Variants in NCOA2 observed in about 807,000 individuals in gnomAD.
The protein encoded by NCOA2 is class E basic helix-loop-helix protein 75.
A neutral mutation model predicts 145.1 loss-of-function variants in NCOA2; 21 were observed. The ratio of observed to expected loss-of-function variants is 0.14; its 90% CI spans 0.10 to 0.21. The LOEUF (loss-of-function observed/expected upper bound fraction) is 0.21. Ranked by LOEUF, NCOA2 falls within the 10% of genes least tolerant of loss-of-function variation. The pLI is 1.00. For synonymous variants in NCOA2, 619 were observed against 637.5 expected (o/e 0.97, Z 0.44); for missense variants, 1,472 against 1,837.6 (o/e 0.80, Z 3.64).
intron 19 of NCOA2, 38 bp from the exon 20 acceptor site, chr8:70,124,903 CTG>C (rs1365000191): frequency 6.5e-7 from 1 of 1,536,624 alleles, no homozygotes; most frequent in African/African-American, 1.4e-5. Context: ...CCAAAAGAGA[CTG>C]TTAGTTATAT....
chr8:70,114,841 AAG>A (rs776865997), intron 22 of NCOA2, among the ~76,000 whole-genome samples: 1 of 152,188 alleles, frequency 6.6e-6, no homozygotes, highest in East Asian at 1.9e-4. Flanking sequence ...GCACTCCAAA[AAG>A]AGAGTTCTGG....
intron 22 of NCOA2, among the ~76,000 whole-genome samples, chr8:70,116,874 T>C (rs1807199006): frequency 6.6e-6 from 1 of 152,122 alleles, no homozygotes; most frequent in Admixed American, 6.5e-5. Context: ...AGCAAGATGG[T>C]AACAGAGAGG....
chr8:70,161,835 G>A (rs962331432), intron 9 of NCOA2, among the ~76,000 whole-genome samples: 13 of 152,148 alleles, frequency 8.5e-5, no homozygotes, highest in African/African-American at 2.9e-4. Flanking sequence ...GGGACACAGA[G>A]AGAAGGACAG....
intron 2 of NCOA2, among the ~76,000 whole-genome samples, chr8:70,238,533 T>C (rs889612127): frequency 3.9e-5 from 6 of 152,182 alleles, no homozygotes; most frequent in African/African-American, 1.2e-4. Context: ...ATTCTTCCCA[T>C]TGTCTAAGAA....
intron 2 of NCOA2, among the ~76,000 whole-genome samples, chr8:70,237,841 C>G (rs1294407980): frequency 6.6e-6 from 1 of 150,386 alleles, no homozygotes; most frequent in Non-Finnish European, 1.5e-5. Flanking sequence ...AGCAGAACTA[C>G]TCCAAGAACA....
the NCOA2 span, among the ~76,000 whole-genome samples, chr8:70,419,687 T>C: frequency 6.6e-6 from 1 of 152,202 alleles, no homozygotes; most frequent in African/African-American, 2.4e-5. Flanking sequence ...TCCTTTCCTA[T>C]AATCCTAAAT....
intron 4 of NCOA2, among the ~76,000 whole-genome samples, chr8:70,206,578 G>T (rs1311228272): frequency 6.6e-6 from 1 of 152,054 alleles, no homozygotes; most frequent in Non-Finnish European, 1.5e-5. Context: ...AGTATCTCTA[G>T]AATCTGGAGA....
the NCOA2 span, among the ~76,000 whole-genome samples, chr8:70,449,185 G>A: frequency 2.0e-5 from 3 of 152,240 alleles, no homozygotes; most frequent in East Asian, 3.9e-4. Context: ...AAATTTACAA[G>A]TTTCATGTCC....
chr8:70,205,944 A>T (rs1818388895), intron 4 of NCOA2, among the ~76,000 whole-genome samples: 1 of 152,188 alleles, frequency 6.6e-6, no homozygotes, highest in African/African-American at 2.4e-5. Flanking sequence ...GGCAGATACT[A>T]TGCCCCAGCA....
At chr8:70,387,096 G>C (rs191849620) in intron 1 of NCOA2, among the ~76,000 whole-genome samples, 1 of 151,890 alleles carries the variant, frequency 6.6e-6, no homozygotes, top group African/African-American at 2.4e-5. Flanking sequence ...TTTAACGCCC[G>C]GTCTGGTAAA....
chr8:70,184,808 C>T (rs964651092), intron 4 of NCOA2, among the ~76,000 whole-genome samples: 1 of 152,166 alleles, frequency 6.6e-6, no homozygotes, highest in African/African-American at 2.4e-5. Flanking sequence ...GGCTTCACAC[C>T]CAGGCCGCTG....
chr8:70,261,292 T>G (rs1824101552), intron 2 of NCOA2, among the ~76,000 whole-genome samples: 1 of 152,188 alleles, frequency 6.6e-6, no homozygotes, highest in Admixed American at 6.5e-5. Context: ...TGAGTTCATG[T>G]CCTTTGTAGG....
At chr8:70,164,390 G>T (rs1295419665) in intron 7 of NCOA2, among the ~76,000 whole-genome samples, 1 of 152,154 alleles carries the variant, frequency 6.6e-6, no homozygotes, top group East Asian at 1.9e-4. Flanking sequence ...ATCCCTTCAT[G>T]TCTTCTTATA....
At chr8:70,122,682 A>G (rs1355063208) in intron 21 of NCOA2, among the ~76,000 whole-genome samples, 1 of 152,242 alleles carries the variant, frequency 6.6e-6, no homozygotes, top group African/African-American at 2.4e-5. Context: ...AAAGGGCTTT[A>G]AATTTTCTCA....
chr8:70,228,461 G>C (rs920690814), intron 2 of NCOA2, among the ~76,000 whole-genome samples: 9 of 152,210 alleles, frequency 5.9e-5, no homozygotes, highest in Non-Finnish European at 1.0e-4. Context: ...TATAGCCCCA[G>C]ATGGAGAATT....
At chr8:70,189,710 C>T (rs909728057) in intron 4 of NCOA2, among the ~76,000 whole-genome samples, 5 of 152,200 alleles carry the variant, frequency 3.3e-5, no homozygotes, top group Admixed American at 3.3e-4. Flanking sequence ...AAGACAAGCT[C>T]TGCCTCTTAT....
At chr8:70,336,035 T>C (rs576088151) in intron 1 of NCOA2, among the ~76,000 whole-genome samples, 1 of 152,258 alleles carries the variant, frequency 6.6e-6, no homozygotes, top group South Asian at 2.1e-4. Flanking sequence ...GCTCTTGCAA[T>C]GAATGGAGCT....
the NCOA2 span, among the ~76,000 whole-genome samples, chr8:70,448,743 T>C: frequency 5.0e-3 from 754 of 152,002 alleles, 30 homozygotes; most frequent in Admixed American, 0.044. Context: ...GAAAAGAATA[T>C]ACTTAATTAT....
intron 1 of NCOA2, among the ~76,000 whole-genome samples, chr8:70,312,826 C>T (rs753002331): frequency 6.6e-6 from 1 of 151,716 alleles, no homozygotes; most frequent in Non-Finnish European, 1.5e-5. Context: ...AAAATCTTCT[C>T]GTAATCTTAA....
Sources: gnomAD v4.1 joint callset for allele counts (sites outside exome capture counted in the v4.1 genomes callset) on GRCh38, gnomAD v4.1.1 for gene constraint, MANE v1.5 for transcripts, NCBI Gene and HGNC (gene_info 2026-07-23, HGNC 2026-07-21) for gene names.